The following PTPRK variants were observed in gnomAD, a reference collection of about 807,000 sequenced individuals.
The protein encoded by PTPRK is protein tyrosine phosphatase receptor type K, also known as receptor-type tyrosine-protein phosphatase kappa.
PTPRK carries 75 observed loss-of-function variants against 178.0 expected under a neutral mutation model. The observed-to-expected ratio is 0.42, with a 90% confidence interval of 0.35 to 0.51. The LOEUF is 0.51. Among genes scored for constraint, PTPRK ranks in the 20% least tolerant of loss-of-function variants. The probability of loss-of-function intolerance (pLI) is 0.02; values close to 1 mark genes in which losing one functional copy is unlikely to be tolerated. For missense variants in PTPRK, 1,441 were observed against 1,797.8 expected, an observed-to-expected ratio of 0.80 and a Z score of 3.59; for synonymous variants, 637 against 620.6, an observed-to-expected ratio of 1.03 and a Z score of -0.39.
At chr6:128,406,110 A>T (rs1013557433) in intron 1 of PTPRK, among the ~76,000 whole-genome samples, 3 of 151,946 alleles carry the variant, frequency 2.0e-5, no homozygotes, top group East Asian at 1.9e-4. Flanking sequence ...TAAATAAAAA[A>T]AAATTAGCCA....
At chr6:128,515,034 A>G (rs931129257) in intron 1 of PTPRK, among the ~76,000 whole-genome samples, 11 of 152,226 alleles carry the variant, frequency 7.2e-5, no homozygotes, top group African/African-American at 2.7e-4. Context: ...CATTTGCACT[A>G]ATGTGGAGTG....
At chr6:128,099,194 A>ATT (rs561083480) in intron 7 of PTPRK, among the ~76,000 whole-genome samples, 1,953 of 149,918 alleles carry the variant, frequency 0.013, 34 homozygotes, top group African/African-American at 0.045. Context: ...ATATATATAT[A>ATT]TATTTTTTCT....
intron 1 of PTPRK, among the ~76,000 whole-genome samples, chr6:128,442,031 G>C (rs967259708): frequency 6.6e-6 from 1 of 152,166 alleles, no homozygotes; most frequent in Non-Finnish European, 1.5e-5. Flanking sequence ...CAGATCTCAA[G>C]TGTTAACTCC....
chr6:128,507,228 CA>C (rs1373548056), intron 1 of PTPRK, among the ~76,000 whole-genome samples: 3 of 152,150 alleles, frequency 2.0e-5, no homozygotes, highest in African/African-American at 7.2e-5. Context: ...CATAAAATAT[CA>C]GTGACTCAAC....
intron 13 of PTPRK, among the ~76,000 whole-genome samples, chr6:128,059,128 C>T (rs1284596534): frequency 1.3e-5 from 2 of 152,002 alleles, no homozygotes; most frequent in South Asian, 2.1e-4. Context: ...CTTGCATATT[C>T]TTATTCTTTT....
chr6:128,321,975 G>T (rs778943889), intron 3 of PTPRK, 64 bp downstream of exon 3: 14 of 1,596,076 alleles, frequency 8.8e-6, no homozygotes, highest in Admixed American at 1.7e-5. Context: ...TTACATCTAT[G>T]TATTACACAT....
chr6:128,111,778 C>T (rs1790711922), intron 7 of PTPRK, among the ~76,000 whole-genome samples: 2 of 151,968 alleles, frequency 1.3e-5, no homozygotes, highest in African/African-American at 2.4e-5. Flanking sequence ...AGTTAGATGC[C>T]TTTATAATGC....
rs981636195 is a variant in PTPRK at position 128,171,099 on chromosome 6, G to A, written c.1162+13333C>T. ...GGAAGTAGGATGAATCTAAACTCAG[G>A]GAAGGAGTGAGGTCTAGGTGGAGTA... On this transcript the variant is annotated intron_variant, in intron 7 of 29. Coordinates refer to ENST00000368226, the MANE Select transcript of PTPRK (RefSeq NM_002844.4). Among the ~76,000 whole-genome samples, 3 of 151,940 alleles carry A rather than the reference G, an allele frequency of 2.0e-5. No individual in the cohort carries two copies. The South Asian group carries it at 6.2e-4, about 31-fold the overall frequency.
chr6:128,232,374 T>A (rs1321187294), intron 5 of PTPRK, among the ~76,000 whole-genome samples: 2 of 152,196 alleles, frequency 1.3e-5, no homozygotes, highest in Non-Finnish European at 2.9e-5. Flanking sequence ...TAGAATCACA[T>A]GTCAGGGCAA....
At chr6:128,067,869 A>G in intron 11 of PTPRK, 77 bp from the exon 12 acceptor site, 1 of 1,356,622 alleles carries the variant, frequency 7.4e-7, no homozygotes, top group Non-Finnish European at 9.8e-7. Flanking sequence ...GATTTTTTTT[A>G]AGGGGTTGAC....
chr6:128,387,277 A>G (rs1286284841), intron 2 of PTPRK, among the ~76,000 whole-genome samples: 1 of 152,208 alleles, frequency 6.6e-6, no homozygotes, highest in Non-Finnish European at 1.5e-5. Flanking sequence ...CATCTGAGTC[A>G]CTAATTACCA....
intron 13 of PTPRK, among the ~76,000 whole-genome samples, chr6:128,010,661 T>C (rs1778952082): frequency 2.0e-5 from 3 of 151,312 alleles, no homozygotes; most frequent in African/African-American, 7.3e-5. Flanking sequence ...AAAATGGTAA[T>C]TTAAAGCTAA....
At chr6:128,455,234 C>T (rs1210169717) in intron 1 of PTPRK, among the ~76,000 whole-genome samples, 1 of 152,046 alleles carries the variant, frequency 6.6e-6, no homozygotes, top group African/African-American at 2.4e-5. Flanking sequence ...TACTGCAATG[C>T]TATTAAGTTG....
chr6:127,973,251 G>A (rs1285826000), intron 28 of PTPRK, 94 bp from the exon 29 acceptor site: 5 of 1,538,032 alleles, frequency 3.3e-6, no homozygotes, highest in Non-Finnish European at 4.4e-6. Context: ...AGACATTGTA[G>A]TTTTAATTGT....
chr6:128,041,091 A>G (rs1381000163), intron 13 of PTPRK, among the ~76,000 whole-genome samples: 1 of 152,142 alleles, frequency 6.6e-6, no homozygotes, highest in African/African-American at 2.4e-5. Context: ...TTTTATTTTA[A>G]AATGAATTAA....
At chr6:128,269,049 G>A (rs1819384884) in intron 3 of PTPRK, among the ~76,000 whole-genome samples, 1 of 151,908 alleles carries the variant, frequency 6.6e-6, no homozygotes, top group Non-Finnish European at 1.5e-5. Flanking sequence ...CCAATAAATT[G>A]TAAATATGAA....
At chr6:128,180,515 C>T (rs1453145613) in intron 7 of PTPRK, among the ~76,000 whole-genome samples, 7 of 152,026 alleles carry the variant, frequency 4.6e-5, no homozygotes, top group Non-Finnish European at 8.8e-5. Context: ...CCACTGGAGG[C>T]TGTAATTACC....
At chr6:128,160,408 C>T (rs780943691) in intron 7 of PTPRK, among the ~76,000 whole-genome samples, 3 of 151,570 alleles carry the variant, frequency 2.0e-5, no homozygotes, top group Non-Finnish European at 3.0e-5. Flanking sequence ...TTCAAAAACA[C>T]GAGATATACT....
chr6:127,985,592 A>C (rs563931532), intron 22 of PTPRK, 129 bp downstream of exon 22: 54 of 1,061,408 alleles, frequency 5.1e-5, no homozygotes, highest in Admixed American at 5.5e-5. Flanking sequence ...TTGCTGTTTT[A>C]CTTTATCTAT....
Sources: allele counts gnomAD v4.1 joint callset (sites outside exome capture counted in the v4.1 genomes callset), GRCh38; gene constraint gnomAD v4.1.1; transcripts MANE v1.5; gene names NCBI Gene and HGNC (gene_info 2026-07-23, HGNC 2026-07-21).